The following SLC22A23 variants were observed in gnomAD, a reference collection of about 807,000 sequenced individuals.
SLC22A23 encodes solute carrier family 22 member 23.
Under a neutral mutation model 61.0 loss-of-function variants are expected in SLC22A23, and 26 were observed. That is an observed-to-expected ratio of 0.43 (90% CI 0.31 to 0.59). The LOEUF (loss-of-function observed/expected upper bound fraction) is 0.59. Ranked by LOEUF, SLC22A23 falls within the 20% of genes least tolerant of loss-of-function variation. SLC22A23 has a pLI of 0.11. For missense variants in SLC22A23, 796 were observed against 934.7 expected (o/e 0.85, Z 1.94); for synonymous variants, 430 against 413.9 (o/e 1.04, Z -0.47).
intron 1 of SLC22A23, among the ~76,000 whole-genome samples, chr6:3,452,839 G>A (rs1402107422): frequency 3.9e-5 from 6 of 152,092 alleles, no homozygotes; most frequent in East Asian, 1.9e-4. Context: ...AGATCCTAAC[G>A]GGAGAGATCT....
rs2127464466 is a variant in SLC22A23 at position 3,372,600 on chromosome 6, C to T, written c.913+37588G>A. Among the ~76,000 whole-genome samples the T allele has an allele frequency of 6.6e-6, 1 of 152,280 alleles. No homozygotes were observed. Among genetic ancestry groups the T allele is most frequent in the African/African-American group, 2.4e-5 (1 of 41,572 alleles). ...GTGGCCTGAGGAAACCGTGGCTTCC[C>T]CCCATGTCTCATGCACAGGGCCCTC... On this transcript the variant is annotated intron_variant, in intron 3 of 9. Coordinates refer to ENST00000406686, the MANE Select transcript of SLC22A23 (RefSeq NM_015482.2). This position sits in a 1 kb window ranked among gnomAD's most constrained non-coding sequence, Gnocchi z 4.7.
intron 3 of SLC22A23, among the ~76,000 whole-genome samples, chr6:3,346,843 T>A (rs996023627): frequency 6.6e-6 from 1 of 152,196 alleles, no homozygotes; most frequent in African/African-American, 2.4e-5. Flanking sequence ...CTGGCAAAGC[T>A]GTCTTGGGTC....
chr6:3,277,710 G>C (rs1759038879), intron 9 of SLC22A23, among the ~76,000 whole-genome samples: 1 of 152,216 alleles, frequency 6.6e-6, no homozygotes, highest in African/African-American at 2.4e-5. Context: ...GACCTGGCTG[G>C]CACCTGGGCA....
intron 3 of SLC22A23, among the ~76,000 whole-genome samples, chr6:3,397,402 G>C (rs1204695097): frequency 6.6e-6 from 1 of 152,190 alleles, no homozygotes; most frequent in Non-Finnish European, 1.5e-5. Flanking sequence ...GGCGAGAGGG[G>C]CTCAGGGAAG....
rs190990614 is a variant in SLC22A23 at position 3,340,530 on chromosome 6, A to G, written c.914-16528T>C. On this transcript the variant is annotated intron_variant, in intron 3 of 9. Transcript: ENST00000406686. Reference sequence around the variant, plus strand: ...TTGATAATTCTTGCAAAAGTTGGGAACATCTTGCATAAGAACGGCAACTTG... The same window carrying G: ...TTGATAATTCTTGCAAAAGTTGGGAGCATCTTGCATAAGAACGGCAACTTG... 2.4e-4 allele frequency among the ~76,000 whole-genome samples: 37 copies of G among 152,314 alleles called. 1 individual carries two copies. Among genetic ancestry groups the G allele is most frequent in the Admixed American group, 1.8e-3 (28 of 15,302 alleles).
intron 3 of SLC22A23, among the ~76,000 whole-genome samples, chr6:3,403,849 C>T (rs1039813394): frequency 3.3e-5 from 5 of 152,210 alleles, no homozygotes; most frequent in Admixed American, 2.0e-4. Context: ...AGGAAGCGAT[C>T]GCACAGCTAC....
chr6:3,289,916 C>T (rs745312095), intron 5 of SLC22A23, 50 bp from the exon 6 acceptor site: 6 of 1,491,586 alleles, frequency 4.0e-6, no homozygotes, highest in African/African-American at 1.4e-5. Flanking sequence ...CCACAGAGGA[C>T]AGGACAGCAG....
intron 1 of SLC22A23, among the ~76,000 whole-genome samples, chr6:3,446,866 C>G (rs185313519): frequency 1.3e-5 from 2 of 152,328 alleles, no homozygotes; most frequent in Admixed American, 1.3e-4. Context: ...CAAGGCCTCA[C>G]CTCAGCTGGC....
chr6:3,422,601 TAGG>T (rs1219147966), intron 1 of SLC22A23, among the ~76,000 whole-genome samples: 6 of 152,320 alleles, frequency 3.9e-5, no homozygotes, highest in African/African-American at 1.4e-4. Context: ...CCTCCAATTT[TAGG>T]AGGTTTGCTG....
intron 8 of SLC22A23, chr6:3,284,785 C>T (rs113959064): frequency 1.7e-5 from 16 of 952,560 alleles, no homozygotes; most frequent in African/African-American, 1.5e-4. Context: ...TAAGACAAAG[C>T]ATGTTGGCGC....
chr6:3,428,896 T>A (rs1389999892), intron 1 of SLC22A23, among the ~76,000 whole-genome samples: 1 of 152,190 alleles, frequency 6.6e-6, no homozygotes, highest in Non-Finnish European at 1.5e-5. Flanking sequence ...CAAGCTGGTG[T>A]CTCATTTTCA....
rs1182541544 is a variant in SLC22A23, at chr6:3,286,549, GTTC to G, written c.1546+307_1546+309del. ...TGTCACTCGAAAGAGACAATCCTTT[GTTC>G]TTCTTGGTCATGTGATGAATCACAC... On this transcript the variant is annotated intron_variant, in intron 7 of 9. Transcript: ENST00000406686. This position sits in a 1 kb window ranked among gnomAD's most constrained non-coding sequence, Gnocchi z 4.2. Among the ~76,000 whole-genome samples, 3 of 152,324 alleles carry G rather than the reference GTTC, an allele frequency of 2.0e-5. No homozygotes were observed. Among genetic ancestry groups the G allele is most frequent in the South Asian group, 4.1e-4 (2 of 4,826 alleles).
At chr6:3,433,540 A>C (rs931846461) in intron 1 of SLC22A23, among the ~76,000 whole-genome samples, 1 of 152,242 alleles carries the variant, frequency 6.6e-6, no homozygotes, top group Admixed American at 6.5e-5. Flanking sequence ...TGATTCTGCC[A>C]ATCAACTTTT....
intron 3 of SLC22A23, among the ~76,000 whole-genome samples, chr6:3,341,103 G>A (rs1764128244): frequency 6.6e-6 from 1 of 152,194 alleles, no homozygotes; most frequent in African/African-American, 2.4e-5. Context: ...GGAACATACA[G>A]CATTTAATAT....
intron 4 of SLC22A23, among the ~76,000 whole-genome samples, chr6:3,302,670 TCTTA>T (rs1264098677): frequency 6.6e-6 from 1 of 152,224 alleles, no homozygotes; most frequent in African/African-American, 2.4e-5. Flanking sequence ...TTAGTTTCCT[TCTTA>T]ATTTCTTCCT....
intron 9 of SLC22A23, among the ~76,000 whole-genome samples, chr6:3,280,348 GGCCATATCATCA>G (rs1561860260): frequency 6.6e-6 from 1 of 152,102 alleles, no homozygotes; most frequent in East Asian, 1.9e-4. Flanking sequence ...CCAGGCTCCG[GGCCATATCATCA>G]GCACCCTCCC....
At chr6:3,384,303 T>G (rs1404023628) in intron 3 of SLC22A23, among the ~76,000 whole-genome samples, 1 of 152,190 alleles carries the variant, frequency 6.6e-6, no homozygotes, top group East Asian at 1.9e-4. Flanking sequence ...TAAAAATAGG[T>G]TTTAATCTCA....
intron 5 of SLC22A23, among the ~76,000 whole-genome samples, chr6:3,292,595 G>T (rs1760706313): frequency 6.6e-6 from 1 of 152,348 alleles, no homozygotes; most frequent in East Asian, 1.9e-4. Context: ...TGATGAGCCA[G>T]GTATGTCCAA....
chr6:3,291,131 T>C (rs557291647), intron 5 of SLC22A23: 1 of 152,300 alleles, frequency 6.6e-6, no homozygotes, highest in African/African-American at 2.4e-5. Flanking sequence ...GTATCAGACA[T>C]TCGCAATCTG....
Sources: gnomAD v4.1 joint callset for allele counts (sites outside exome capture counted in the v4.1 genomes callset) on GRCh38, gnomAD v4.1.1 for gene constraint, Gnocchi (gnomAD v3.1) non-coding constraint, MANE v1.5 for transcripts, NCBI Gene and HGNC (gene_info 2026-07-23, HGNC 2026-07-21) for gene names.